The following TTLL5 variants were observed in gnomAD, a reference collection of about 807,000 sequenced individuals.
TTLL5 encodes tubulin tyrosine ligase like 5, also known as tubulin polyglutamylase TTLL5.
Under a neutral mutation model 168.4 loss-of-function variants are expected in TTLL5, and 132 were observed. The observed-to-expected ratio is 0.78, with a 90% CI of 0.68 to 0.91. The LOEUF (loss-of-function observed/expected upper bound fraction) is 0.91. TTLL5 is among the 40% of genes least tolerant of loss of function. TTLL5 has a pLI of 0.00. For synonymous variants in TTLL5, 546 were observed against 558.6 expected (o/e 0.98, Z 0.32); for missense variants, 1,545 against 1,581.5 (o/e 0.98, Z 0.39).
rs570745510 is a variant in TTLL5 at position 75,691,145 on chromosome 14, C to T, written c.502+823C>T. Among the ~76,000 whole-genome samples, 8 of 152,282 alleles carry T rather than the reference C, an allele frequency of 5.3e-5. No homozygotes were observed. In the East Asian group the frequency reaches 1.5e-3, roughly 29 times the overall value. On this transcript the variant is annotated intron_variant, in intron 6 of 31. Coordinates refer to ENST00000298832, the MANE Select transcript of TTLL5 (RefSeq NM_015072.5). ...GTTCAGACTAATAAAAAAAAATACA[C>T]GTAGGAGCCAAATAGGCACCTAAGT...
chr14:75,731,039 A>G (rs540802348), intron 12 of TTLL5, among the ~76,000 whole-genome samples: 2 of 152,116 alleles, frequency 1.3e-5, no homozygotes, highest in Non-Finnish European at 2.9e-5. Context: ...TTCTTAATAC[A>G]TCATGTAACT....
At chr14:75,870,919 CAAGT>C (rs1324876807) in intron 29 of TTLL5, among the ~76,000 whole-genome samples, 2 of 151,852 alleles carry the variant, frequency 1.3e-5, no homozygotes, top group African/African-American at 4.8e-5. Flanking sequence ...CTCAGCCTCC[CAAGT>C]AGCTGGGACT....
rs778792332 is a variant in TTLL5 at position 75,874,933 on chromosome 14, C to CCTTTTTTTTTT, written c.3523-7752_3523-7751insCTTTTTTTTTT. Among the ~76,000 whole-genome samples the CCTTTTTTTTTT allele has an allele frequency of 7.9e-4, 77 of 97,536 alleles. 15 individuals are homozygous for CCTTTTTTTTTT. Among genetic ancestry groups the CCTTTTTTTTTT allele is most frequent in the African/African-American group, 3.0e-3 (61 of 20,372 alleles). The allele number at this position is 97,536 out of a possible 152,430, so 64.0% of individuals were successfully genotyped here. A position where few individuals can be genotyped will look rare whatever the true frequency, so the allele number is the denominator to read the frequency against. On this transcript the variant is annotated intron_variant, in intron 29 of 31. Coordinates refer to ENST00000298832, the MANE Select transcript of TTLL5 (RefSeq NM_015072.5). ...AGAGAAAAAAAAAGACACTGGGGGC[C>CCTTTTTTTTTT]TTTTTTTTTTTTTTTTTTGAGACGG...
intron 10 of TTLL5, among the ~76,000 whole-genome samples, chr14:75,719,377 C>T (rs780224127): frequency 3.3e-5 from 5 of 152,214 alleles, no homozygotes; most frequent in Admixed American, 2.6e-4. Context: ...AGGTGACATT[C>T]ACCTCAAAGG....
chr14:75,761,274 C>T (rs1413933496), intron 18 of TTLL5, among the ~76,000 whole-genome samples: 1 of 151,888 alleles, frequency 6.6e-6, no homozygotes. Flanking sequence ...GATAAATTGT[C>T]GTTGACAGTG....
rs757733215 is a variant in TTLL5 at position 75,873,968 on chromosome 14, GTTAC to G, written c.3523-8710_3523-8707del. Among the ~76,000 whole-genome samples, 41 of 152,244 alleles carry G rather than the reference GTTAC, an allele frequency of 2.7e-4. 1 individual carries two copies. The highest frequency in any genetic ancestry group is 4.1e-4 in the Non-Finnish European group (28 of 68,018). On this transcript the variant is annotated intron_variant, in intron 29 of 31. Coordinates refer to ENST00000298832, the MANE Select transcript of TTLL5 (RefSeq NM_015072.5). ...AATTAGCACATTTTTAAAACTAATA[GTTAC>G]TTACTTGAACAATTAAATATGGTAT... is the stretch of plus-strand genomic sequence containing the variant.
intron 31 of TTLL5, chr14:75,906,616 A>G: frequency 2.0e-6 from 2 of 985,922 alleles, no homozygotes; most frequent in Non-Finnish European, 2.4e-6. Flanking sequence ...CACAATCTGA[A>G]GCCCTTGCTA....
At chr14:75,766,020 T>G in intron 19 of TTLL5, 42 bp from the exon 20 acceptor site, 1 of 1,550,574 alleles carries the variant, frequency 6.4e-7, no homozygotes, top group Non-Finnish European at 8.7e-7. Flanking sequence ...AGAGGAACAT[T>G]TAATCCTTTT....
chr14:75,707,190 A>G, intron 8 of TTLL5, 103 bp downstream of exon 8: 1 of 880,384 alleles, frequency 1.1e-6, no homozygotes, highest in Non-Finnish European at 1.8e-6. Flanking sequence ...ACTGTTGTGA[A>G]ATTCTTGACA....
intron 29 of TTLL5, among the ~76,000 whole-genome samples, chr14:75,869,709 T>G (rs893252988): frequency 6.6e-6 from 1 of 152,120 alleles, no homozygotes; most frequent in Non-Finnish European, 1.5e-5. Flanking sequence ...GCATCCAAGC[T>G]CATGGCTATT....
chr14:75,860,090 T>G (rs1897324574), intron 28 of TTLL5, among the ~76,000 whole-genome samples: 1 of 152,230 alleles, frequency 6.6e-6, no homozygotes, highest in African/African-American at 2.4e-5. Flanking sequence ...CTGAGGAGAT[T>G]AAAAACAGAT....
At chr14:75,869,102 A>G (rs1033441525) in intron 29 of TTLL5, among the ~76,000 whole-genome samples, 3 of 150,036 alleles carry the variant, frequency 2.0e-5, no homozygotes, top group Admixed American at 1.3e-4. Flanking sequence ...ACTTAATGTC[A>G]TAACCTATTG....
intron 31 of TTLL5, 81 bp downstream of exon 31, chr14:75,902,305 A>G: frequency 1.5e-6 from 2 of 1,376,024 alleles, no homozygotes; most frequent in Non-Finnish European, 2.0e-6. Context: ...TTCTGCCTCC[A>G]AAGAGAGCCC....
intron 31 of TTLL5, among the ~76,000 whole-genome samples, chr14:75,928,795 T>A (rs2034172272): frequency 6.6e-6 from 1 of 152,130 alleles, no homozygotes; most frequent in South Asian, 2.1e-4. Flanking sequence ...GCCCTGGTCA[T>A]GGGATTTTTT....
chr14:75,736,177 G>A (rs1184843170), intron 15 of TTLL5, among the ~76,000 whole-genome samples: 2 of 152,018 alleles, frequency 1.3e-5, no homozygotes, highest in Non-Finnish European at 2.9e-5. Flanking sequence ...GCTCTTTGAA[G>A]GCATAAGCAG....
chr14:75,728,032 A>G (rs1397539570), intron 12 of TTLL5, among the ~76,000 whole-genome samples: 1 of 152,156 alleles, frequency 6.6e-6, no homozygotes, highest in Non-Finnish European at 1.5e-5. Flanking sequence ...TATACCTCAA[A>G]AGGGAATAGA....
At chr14:75,816,931 G>A (rs1292096370) in intron 27 of TTLL5, among the ~76,000 whole-genome samples, 1 of 150,426 alleles carries the variant, frequency 6.6e-6, no homozygotes, top group African/African-American at 2.4e-5. Context: ...CTAGTGGCCA[G>A]AGAAGTTACT....
At chr14:75,909,054 A>G (rs2140106263) in intron 31 of TTLL5, among the ~76,000 whole-genome samples, 1 of 152,170 alleles carries the variant, frequency 6.6e-6, no homozygotes, top group Admixed American at 6.5e-5. Context: ...CTGGTATTAC[A>G]GGCGTGAACC....
intron 15 of TTLL5, among the ~76,000 whole-genome samples, chr14:75,742,535 A>G (rs1224074821): frequency 1.3e-5 from 2 of 152,202 alleles, no homozygotes; most frequent in Non-Finnish European, 2.9e-5. Flanking sequence ...AGCTGAGACC[A>G]CAGGCATGTG....
Sources: gnomAD v4.1 joint callset for allele counts (sites outside exome capture counted in the v4.1 genomes callset) on GRCh38, gnomAD v4.1.1 for gene constraint, MANE v1.5 for transcripts, NCBI Gene and HGNC (gene_info 2026-07-23, HGNC 2026-07-21) for gene names.